Variants in TENM3 observed in about 807,000 individuals in gnomAD.
The protein encoded by TENM3 is teneurin transmembrane protein 3, also known as teneurin-3.
TENM3 carries 63 observed loss-of-function variants against 255.1 expected under a neutral mutation model. The observed-to-expected ratio is 0.25, with a 90% CI of 0.20 to 0.30. The LOEUF is 0.30. Among genes scored for constraint, TENM3 ranks in the 10% least tolerant of loss-of-function variants. TENM3 has a pLI of 1.00. For synonymous variants in TENM3, 1,306 were observed against 1,322.3 expected, an observed-to-expected ratio of 0.99 and a Z score of 0.27; for missense variants, 2,929 against 3,461.1, an observed-to-expected ratio of 0.85 and a Z score of 3.86.
At chr4:181,797,154 T>A in the TENM3 span, among the ~76,000 whole-genome samples, 3 of 151,830 alleles carry the variant, frequency 2.0e-5, no homozygotes, top group African/African-American at 7.3e-5. Flanking sequence ...GTTTTTTTTT[T>A]AATCTTTTTT....
chr4:182,161,066 G>C (rs1439573166), intron 1 of TENM3, among the ~76,000 whole-genome samples: 3 of 151,828 alleles, frequency 2.0e-5, no homozygotes, highest in African/African-American at 7.3e-5. Flanking sequence ...ATCACTTGGG[G>C]TCAGGAGTTG....
chr4:181,954,994 C>G, the TENM3 span, among the ~76,000 whole-genome samples: 1 of 152,182 alleles, frequency 6.6e-6, no homozygotes, highest in South Asian at 2.1e-4. Context: ...ATTACCTTAG[C>G]ACCTTTTCTG....
chr4:182,185,030 C>A (rs144644657), intron 1 of TENM3, among the ~76,000 whole-genome samples: 2,623 of 152,032 alleles, frequency 0.017, 32 homozygotes, highest in Non-Finnish European at 0.026. Flanking sequence ...TTGCAGTGAG[C>A]CGAGACTGCG....
At chr4:181,780,502 A>AT in the TENM3 span, among the ~76,000 whole-genome samples, 1 of 152,000 alleles carries the variant, frequency 6.6e-6, no homozygotes, top group Non-Finnish European at 1.5e-5. Context: ...TTTCTTGTAA[A>AT]TTTGTTTGAG....
At chr4:182,298,334 C>T (rs371620698) in intron 1 of TENM3, among the ~76,000 whole-genome samples, 6 of 152,094 alleles carry the variant, frequency 3.9e-5, no homozygotes, top group African/African-American at 1.2e-4. Context: ...GAGGTGGAAA[C>T]GCCTCAGAAG....
the TENM3 span, among the ~76,000 whole-genome samples, chr4:181,890,564 TA>T: frequency 3.3e-5 from 5 of 152,290 alleles, no homozygotes; most frequent in African/African-American, 9.6e-5. Context: ...TGTGGGCTTT[TA>T]AAAAAATTTT....
intron 3 of TENM3, among the ~76,000 whole-genome samples, chr4:182,496,766 T>C (rs1735810377): frequency 6.6e-6 from 1 of 152,186 alleles, no homozygotes; most frequent in African/African-American, 2.4e-5. Context: ...CATAAAAACC[T>C]GTAAGGACAA....
At chr4:181,735,979 T>C in the TENM3 span, among the ~76,000 whole-genome samples, 2 of 152,198 alleles carry the variant, frequency 1.3e-5, no homozygotes, top group Non-Finnish European at 2.9e-5. Flanking sequence ...TTAATGTCTA[T>C]CTTTTTTTCT....
At chr4:182,298,483 A>G (rs1761638166) in intron 1 of TENM3, among the ~76,000 whole-genome samples, 1 of 152,180 alleles carries the variant, frequency 6.6e-6, no homozygotes, top group Non-Finnish European at 1.5e-5. Context: ...TTGTAAGCAG[A>G]AAGGAAACTT....
chr4:182,309,716 C>CGTAACAGAG (rs1762330092), intron 1 of TENM3, among the ~76,000 whole-genome samples: 1 of 152,128 alleles, frequency 6.6e-6, no homozygotes, highest in South Asian at 2.1e-4. Flanking sequence ...ATAGCAATTT[C>CGTAACAGAG]GTAACAGAGG....
At chr4:182,098,490 G>A in the TENM3 span, among the ~76,000 whole-genome samples, 1 of 152,184 alleles carries the variant, frequency 6.6e-6, no homozygotes, top group Non-Finnish European at 1.5e-5. Flanking sequence ...ACACAATGGA[G>A]TACTATTCAG....
At chr4:182,451,910 G>A (rs1402855621) in intron 3 of TENM3, among the ~76,000 whole-genome samples, 2 of 152,160 alleles carry the variant, frequency 1.3e-5, no homozygotes, top group Admixed American at 6.5e-5. Flanking sequence ...TTTTTAACAA[G>A]CCACCTTTCT....
intron 4 of TENM3, among the ~76,000 whole-genome samples, chr4:182,617,371 A>C (rs1312331171): frequency 6.6e-6 from 1 of 152,214 alleles, no homozygotes; most frequent in Non-Finnish European, 1.5e-5. Flanking sequence ...GATATCATCA[A>C]GTGACTAAAA....
the TENM3 span, among the ~76,000 whole-genome samples, chr4:181,676,548 C>T: frequency 6.6e-6 from 1 of 151,946 alleles, no homozygotes; most frequent in Non-Finnish European, 1.5e-5. Context: ...CTGGTAGTCC[C>T]CAGTGCCAGG....
the TENM3 span, among the ~76,000 whole-genome samples, chr4:181,846,291 GA>G: frequency 3.3e-5 from 5 of 151,724 alleles, no homozygotes; most frequent in Admixed American, 6.6e-5. Context: ...ATCTTGCTTT[GA>G]AAAAAATATA....
intron 1 of TENM3, among the ~76,000 whole-genome samples, chr4:182,172,476 A>T (rs2084292177): frequency 6.6e-6 from 1 of 152,206 alleles, no homozygotes; most frequent in African/African-American, 2.4e-5. Flanking sequence ...CAACCTTAGA[A>T]ATTTGACTTC....
intron 1 of TENM3, among the ~76,000 whole-genome samples, chr4:182,178,128 A>G (rs1293673858): frequency 1.3e-5 from 2 of 152,094 alleles, no homozygotes; most frequent in African/African-American, 4.8e-5. Context: ...AGAGCACCCT[A>G]TTTAATACAT....
intron 3 of TENM3, among the ~76,000 whole-genome samples, chr4:182,530,730 G>T (rs895732072): frequency 2.6e-5 from 4 of 152,158 alleles, no homozygotes; most frequent in Admixed American, 6.5e-5. Context: ...GCAGAGAAAT[G>T]GATCTGTTTT....
chr4:182,584,000 A>AT (rs903378449), intron 3 of TENM3, among the ~76,000 whole-genome samples: 5 of 152,216 alleles, frequency 3.3e-5, no homozygotes, highest in Admixed American at 1.3e-4. Context: ...CAAATAGATG[A>AT]TTTTTTATTG....
Sources: gnomAD v4.1 joint callset for allele counts (sites outside exome capture counted in the v4.1 genomes callset) on GRCh38, gnomAD v4.1.1 for gene constraint, MANE v1.5 for transcripts, NCBI Gene and HGNC (gene_info 2026-07-23, HGNC 2026-07-21) for gene names.